The following KIAA1549L variants were observed in gnomAD, a reference collection of about 807,000 sequenced individuals.
KIAA1549L encodes UPF0606 protein KIAA1549L.
KIAA1549L carries 88 observed loss-of-function variants against 160.7 expected under a neutral mutation model. The ratio of observed to expected loss-of-function variants is 0.55; its 90% confidence interval spans 0.46 to 0.65. The LOEUF is 0.65. Among genes scored for constraint, KIAA1549L ranks in the 30% least tolerant of loss-of-function variants. The pLI, the probability that KIAA1549L is intolerant of heterozygous loss-of-function variation, is 0.00. For missense variants in KIAA1549L, 2,258 were observed against 2,437.5 expected, an observed-to-expected ratio of 0.93 and a Z score of 1.55; for synonymous variants, 950 against 976.7, an observed-to-expected ratio of 0.97 and a Z score of 0.51.
intron 1 of KIAA1549L, among the ~76,000 whole-genome samples, chr11:33,407,897 A>G (rs1332178455): frequency 6.6e-6 from 1 of 152,036 alleles, no homozygotes; most frequent in East Asian, 1.9e-4. Flanking sequence ...CACATTCCTC[A>G]TGAGTTCTCA....
chr11:33,611,801 A>C (rs1850655881), intron 15 of KIAA1549L, among the ~76,000 whole-genome samples: 1 of 152,236 alleles, frequency 6.6e-6, no homozygotes, highest in South Asian at 2.1e-4. Flanking sequence ...AATTGTGTTA[A>C]CATAATCATT....
chr11:33,479,866 G>A (rs1590276131), intron 1 of KIAA1549L, among the ~76,000 whole-genome samples: 1 of 152,186 alleles, frequency 6.6e-6, no homozygotes, highest in East Asian at 1.9e-4. Flanking sequence ...TAGCAGAAGA[G>A]AGGCTCAGAG....
At chr11:33,531,202 G>A (rs1034476948) in intron 1 of KIAA1549L, among the ~76,000 whole-genome samples, 4 of 152,032 alleles carry the variant, frequency 2.6e-5, no homozygotes, top group Non-Finnish European at 4.4e-5. Context: ...GGCCAGTTGC[G>A]GTGGCTCACG....
chr11:33,579,860 A>G (rs181092737), intron 10 of KIAA1549L, among the ~76,000 whole-genome samples: 1 of 152,224 alleles, frequency 6.6e-6, no homozygotes, highest in African/African-American at 2.4e-5. Context: ...GATAAGGCCA[A>G]TGAAGGAGAA....
chr11:33,485,640 G>A lies in KIAA1549L; in HGVS notation c.239-56162G>A, dbSNP rs546705017. On this transcript the variant is annotated intron_variant, in intron 1 of 20. Coordinates refer to ENST00000658780, the MANE Select transcript of KIAA1549L (RefSeq NM_012194.3). ...ACCTCACATTTTTATCATTTTTTTT[G>A]GTGAGAACATTTAAAATCTCAGCAA... is the stretch of plus-strand genomic sequence containing the variant. Among the ~76,000 whole-genome samples, 6 of 151,228 alleles carry A rather than the reference G, an allele frequency of 4.0e-5. No homozygotes were observed. The South Asian group carries it at 1.3e-3, about 32-fold the overall frequency.
intron 1 of KIAA1549L, among the ~76,000 whole-genome samples, chr11:33,385,898 C>A (rs1485705159): frequency 6.6e-6 from 1 of 151,900 alleles, no homozygotes; most frequent in Middle Eastern, 3.2e-3. Context: ...AGAAAAATTT[C>A]TTTGTTAGTG....
intron 1 of KIAA1549L, among the ~76,000 whole-genome samples, chr11:33,386,860 A>C (rs1226341457): frequency 6.6e-6 from 1 of 152,144 alleles, no homozygotes; most frequent in African/African-American, 2.4e-5. Context: ...TAATCCCAAC[A>C]CTTTGGGAGC....
intron 1 of KIAA1549L, among the ~76,000 whole-genome samples, chr11:33,530,463 ATATATATATATATATATATATG>A (rs1853742124): frequency 3.7e-5 from 2 of 54,740 alleles, no homozygotes; most frequent in African/African-American, 5.8e-5. Context: ...ATATATATAT[ATATATATATATATATATATATG>A]CAAGATTTGC....
rs878993456 is a variant in KIAA1549L at position 33,645,838 on chromosome 11, G to C, written c.5562G>C (p.Leu1854=). The C allele has an allele frequency of 3.7e-6, 6 of 1,613,834 alleles. No homozygotes were observed. Among genetic ancestry groups the C allele is most frequent in the South Asian group, 2.2e-5 (2 of 91,088 alleles). The change falls in exon 17 of 21, where the codon CTG becomes CTC. Residue 1854 remains leucine, a synonymous_variant. Transcript: ENST00000658780. ...IDEVRQQMHM[L]LEEAFSLASA... ...AGGTCAGGCAGCAGATGCACATGCTGCTGGAGGAGGCCTTCAGCCTGGCAT... is the reference window on the plus strand; with the variant it reads ...AGGTCAGGCAGCAGATGCACATGCTCCTGGAGGAGGCCTTCAGCCTGGCAT...
Position 33,544,889 on chromosome 11 carries a change from T to C in KIAA1549L, c.2896T>C (p.Leu966=), listed in dbSNP as rs368173625. 1 of 1,613,560 alleles carries C rather than the reference T, an allele frequency of 6.2e-7. No individual in the cohort carries two copies. The highest frequency in any genetic ancestry group is 8.5e-7 in the Non-Finnish European group (1 of 1,179,670). Residue 966 remains leucine (L), a synonymous_variant, in exon 3 of 21, where the codon TTG becomes CTG. Transcript: ENST00000658780. ...TGCTAAGGGCACCAGCAGCAGCCCT[T>C]TGGCCGTGGCCTCAGGACCAGCTAA... The part of the protein sequence containing the change: ...LVAKGTSSSP[L]AVASGPAKSS...
At chr11:33,406,856 G>A (rs771084053) in intron 1 of KIAA1549L, among the ~76,000 whole-genome samples, 6 of 152,276 alleles carry the variant, frequency 3.9e-5, no homozygotes, top group Middle Eastern at 6.8e-3. Flanking sequence ...TGTCGGATGA[G>A]GTCTTTTGGC....
chr11:33,625,245 A>G (rs1248079190), intron 16 of KIAA1549L, among the ~76,000 whole-genome samples: 5 of 151,982 alleles, frequency 3.3e-5, no homozygotes, highest in Admixed American at 6.6e-5. Context: ...TTATAGCAGC[A>G]TGATTTATAG....
chr11:33,584,059 G>A (rs920859897), intron 11 of KIAA1549L, among the ~76,000 whole-genome samples: 8 of 152,184 alleles, frequency 5.3e-5, no homozygotes, highest in Non-Finnish European at 8.8e-5. Flanking sequence ...TGAGATTAAT[G>A]CCCTTAGAAA....
chr11:33,641,062 T>A (rs1007506440), intron 16 of KIAA1549L, among the ~76,000 whole-genome samples: 3 of 152,196 alleles, frequency 2.0e-5, no homozygotes, highest in Non-Finnish European at 2.9e-5. Context: ...GGAGAAGGGT[T>A]TAGGGCAAGT....
At chr11:33,648,134 A>G (rs924658219) in intron 17 of KIAA1549L, among the ~76,000 whole-genome samples, 2 of 151,846 alleles carry the variant, frequency 1.3e-5, no homozygotes, top group Admixed American at 6.6e-5. Flanking sequence ...AGCTGGGACT[A>G]CAGGCGCATA....
At chr11:33,633,056 A>T (rs573270261) in intron 16 of KIAA1549L, among the ~76,000 whole-genome samples, 121 of 142,164 alleles carry the variant, frequency 8.5e-4, no homozygotes, top group Non-Finnish European at 1.6e-3. Context: ...GCTCACTGCA[A>T]CCTCCACCTC....
chr11:33,640,400 A>G (rs1851552411), intron 16 of KIAA1549L, among the ~76,000 whole-genome samples: 1 of 152,120 alleles, frequency 6.6e-6, no homozygotes, highest in Admixed American at 6.6e-5. Flanking sequence ...TCTCTTGAAA[A>G]TCTCACTATA....
chr11:33,601,232 G>A (rs1390363315), intron 13 of KIAA1549L, among the ~76,000 whole-genome samples: 1 of 152,108 alleles, frequency 6.6e-6, no homozygotes, highest in Non-Finnish European at 1.5e-5. Context: ...TGGGGGGCTG[G>A]TTGCTTCTGT....
chr11:33,585,684 G>A (rs1370890446), intron 11 of KIAA1549L, among the ~76,000 whole-genome samples: 1 of 152,160 alleles, frequency 6.6e-6, no homozygotes. Context: ...GCATATTTAT[G>A]TTATAGATTA....
Sources: allele counts gnomAD v4.1 joint callset (sites outside exome capture counted in the v4.1 genomes callset), GRCh38; gene constraint gnomAD v4.1.1; transcripts MANE v1.5; gene names NCBI Gene and HGNC (gene_info 2026-07-23, HGNC 2026-07-21).